Variants in NUDCD1 observed in about 807,000 individuals in gnomAD.
The protein encoded by NUDCD1 is NudC domain containing 1.
NUDCD1 carries 60 observed loss-of-function variants against 67.8 expected under a neutral mutation model. That is an observed-to-expected ratio of 0.88 (90% CI 0.72 to 1.10). The LOEUF (loss-of-function observed/expected upper bound fraction) is 1.10. NUDCD1 is among the 50% of genes least tolerant of loss of function. The probability of loss-of-function intolerance (pLI) is 0.00; values close to 1 mark genes in which losing one functional copy is unlikely to be tolerated. For synonymous variants in NUDCD1, 244 were observed against 230.8 expected, an observed-to-expected ratio of 1.06 and a Z score of -0.52; for missense variants, 643 against 695.0, an observed-to-expected ratio of 0.93 and a Z score of 0.84.
chr8:109,322,694 C>T (rs910257404), intron 1 of NUDCD1, among the ~76,000 whole-genome samples: 1 of 152,064 alleles, frequency 6.6e-6, no homozygotes, highest in African/African-American at 2.4e-5. Flanking sequence ...TAGAATACAG[C>T]GGCCACAGGA....
rs140178661 is a variant in NUDCD1, at chr8:109,263,200, C to A, written c.1299+7805G>T. On this transcript the variant is annotated intron_variant, in intron 8 of 9. Coordinates refer to ENST00000239690, the MANE Select transcript of NUDCD1 (RefSeq NM_032869.4). Reference sequence around the variant, plus strand: ...AATAAAGTCTCTTTCCTCCAAATTCCTTCTCAAAGAACTTTGTTCACACAG... The same window carrying A: ...AATAAAGTCTCTTTCCTCCAAATTCATTCTCAAAGAACTTTGTTCACACAG... Among the ~76,000 whole-genome samples the A allele has an allele frequency of 7.2e-5, 11 of 152,034 alleles. No individual in the cohort carries two copies. The East Asian group carries it at 2.1e-3, about 29-fold the overall frequency.
intron 2 of NUDCD1, among the ~76,000 whole-genome samples, chr8:109,306,516 TAAAAG>T (rs1815108271): frequency 6.6e-6 from 1 of 152,062 alleles, no homozygotes; most frequent in Non-Finnish European, 1.5e-5. Flanking sequence ...TGTATATTTT[TAAAAG>T]AAGAGTGTTG....
In NUDCD1 at chr8:109,242,347, A is replaced by C. The variant is rs1389232273; in HGVS notation, c.*662T>G. ...ACAGCCAACTCACTGAATCGTGAAAAATAATAAAAGTCCTTGTTTTAAACC... is the reference window on the plus strand; with the variant it reads ...ACAGCCAACTCACTGAATCGTGAAACATAATAAAAGTCCTTGTTTTAAACC... On this transcript the variant is annotated 3_prime_UTR_variant, in exon 10 of 10. Transcript: ENST00000239690. 2.6e-6 allele frequency: 1 copy of C among 389,222 alleles called. No individual in the cohort carries two copies. The highest frequency in any genetic ancestry group is 4.5e-6 in the Non-Finnish European group (1 of 220,440). 24.1% of individuals were successfully genotyped at this position (389,222 alleles called of 1,614,324 possible). A position where few individuals can be genotyped will look rare whatever the true frequency, so the allele number is the denominator to read the frequency against.
Position 109,280,996 on chromosome 8 carries a change from T to A in NUDCD1, c.1000A>T (p.Ser334Cys). The change falls in exon 6 of 10, where the codon AGT becomes TGT. Residue 334 changes from serine (S) to cysteine (C), a missense_variant. By Grantham distance (112) the Ser-to-Cys change is moderately radical. Coordinates refer to ENST00000239690, the MANE Select transcript of NUDCD1 (RefSeq NM_032869.4). ...TTACTCTCTTTAATTATCCATGTACTGCTTTCATGATCAATAGATGAATAG... is the reference window on the plus strand; with the variant it reads ...TTACTCTCTTTAATTATCCATGTACAGCTTTCATGATCAATAGATGAATAG... ...KLYSSIDHESSTWIIKESNSL... is the reference protein window; with the variant it reads ...KLYSSIDHESCTWIIKESNSL... The A allele has an allele frequency of 6.3e-7, 1 of 1,599,676 alleles. No homozygotes were observed.
intron 5 of NUDCD1, among the ~76,000 whole-genome samples, chr8:109,289,548 C>T (rs1277407939): frequency 6.6e-6 from 1 of 151,946 alleles, no homozygotes; most frequent in African/African-American, 2.4e-5. Flanking sequence ...TTGGTAATAA[C>T]AAAATGATCA....
intron 3 of NUDCD1, among the ~76,000 whole-genome samples, 162 bp downstream of exon 3, chr8:109,296,220 AAT>A (rs1454683522): frequency 2.0e-5 from 3 of 152,220 alleles, no homozygotes; most frequent in African/African-American, 4.8e-5. Context: ...GTTTGTGAAA[AAT>A]ATATATGTTA....
At chr8:109,258,025 C>T (rs940958229) in intron 8 of NUDCD1, among the ~76,000 whole-genome samples, 3 of 152,010 alleles carry the variant, frequency 2.0e-5, no homozygotes, top group Admixed American at 6.6e-5. Flanking sequence ...TCCAATTGAT[C>T]ACTTTCTTTT....
intron 8 of NUDCD1, among the ~76,000 whole-genome samples, chr8:109,270,329 TAAA>T (rs74847351): frequency 7.2e-6 from 1 of 138,560 alleles, no homozygotes; most frequent in African/African-American, 2.6e-5. Context: ...AACTTGACAG[TAAA>T]AAAAAAAAAG....
chr8:109,320,926 C>T (rs1815519060), intron 2 of NUDCD1, among the ~76,000 whole-genome samples: 1 of 152,088 alleles, frequency 6.6e-6, no homozygotes, highest in Non-Finnish European at 1.5e-5. Flanking sequence ...TGGAAAGACA[C>T]ACAAAACCAA....
At chr8:109,278,661 T>C (rs1443064275) in intron 6 of NUDCD1, among the ~76,000 whole-genome samples, 1 of 152,234 alleles carries the variant, frequency 6.6e-6, no homozygotes, top group Non-Finnish European at 1.5e-5. Flanking sequence ...ACAGTATGAT[T>C]TTTTGTCTTT....
chr8:109,294,958 T>C (rs1034268883), intron 3 of NUDCD1, among the ~76,000 whole-genome samples: 10 of 152,024 alleles, frequency 6.6e-5, no homozygotes, highest in African/African-American at 2.4e-4. Context: ...CCCACCTCAA[T>C]TAATCCCCAA....
chr8:109,259,146 A>T (rs1813807999), intron 8 of NUDCD1, among the ~76,000 whole-genome samples: 1 of 152,232 alleles, frequency 6.6e-6, no homozygotes, highest in Non-Finnish European at 1.5e-5. Flanking sequence ...AAATAACGCA[A>T]ATAACCTAGG....
At chr8:109,279,798 A>AT (rs1450558491) in intron 6 of NUDCD1, among the ~76,000 whole-genome samples, 1 of 151,668 alleles carries the variant, frequency 6.6e-6, no homozygotes, top group Non-Finnish European at 1.5e-5. Flanking sequence ...CGCCCAGCTA[A>AT]TTTTTGTGTT....
intron 8 of NUDCD1, among the ~76,000 whole-genome samples, chr8:109,249,594 C>T (rs1251079064): frequency 1.3e-5 from 2 of 152,140 alleles, no homozygotes; most frequent in East Asian, 3.8e-4. Context: ...CAAATGTATG[C>T]TTATTGCTTT....
chr8:109,333,890 C>T lies in NUDCD1; in HGVS notation c.118+3G>A, dbSNP rs1815881185. The T allele has an allele frequency of 6.2e-7, 1 of 1,614,038 alleles. No individual in the cohort carries two copies. Among genetic ancestry groups the T allele is most frequent in the Non-Finnish European group, 8.5e-7 (1 of 1,179,930 alleles). On this transcript the variant is annotated splice_donor_region_variant and intron_variant, in intron 1 of 9. Transcript: ENST00000239690. ...GAGTACGAAGGGCGCCGCCGCTTCCCACCTGCGTCAAGCTCCAGCTGGTAA... is the reference window on the plus strand; with the variant it reads ...GAGTACGAAGGGCGCCGCCGCTTCCTACCTGCGTCAAGCTCCAGCTGGTAA...
At position 109,270,066 on chromosome 8, in the gene NUDCD1, G is replaced by GT. The variant is rs1491377169; in HGVS notation, c.1299+938_1299+939insA. ...AGAGTGTAATTTTGAGGTGGCGGGG[G>GT]CGGGGGGGGGGGGGGGTGCCTTAAG... On this transcript the variant is annotated intron_variant, in intron 8 of 9. Coordinates refer to ENST00000239690, the MANE Select transcript of NUDCD1 (RefSeq NM_032869.4). Among the ~76,000 whole-genome samples the GT allele has an allele frequency of 4.3e-5, 3 of 69,012 alleles. 1 individual carries two copies. The highest frequency in any genetic ancestry group is 1.7e-4 in the African/African-American group (3 of 17,890). The allele number at this position is 69,012 out of a possible 152,430, so 45.3% of individuals were successfully genotyped here.
chr8:109,274,944 T>C (rs192428844), intron 7 of NUDCD1, among the ~76,000 whole-genome samples: 3 of 152,272 alleles, frequency 2.0e-5, no homozygotes, highest in East Asian at 1.9e-4. Flanking sequence ...CTATACTATA[T>C]ATGATACATA....
At position 109,242,423 on chromosome 8, in the gene NUDCD1, ATC is replaced by A. The variant is rs1482602707; in HGVS notation, c.*584_*585del. Reference sequence around the variant, plus strand: ...GCAGTGATGGATAATGTGAAATCTTATCTCTCTTTGTCTATGTCTGTGGCAGA... The same window carrying A: ...GCAGTGATGGATAATGTGAAATCTTATCTCTTTGTCTATGTCTGTGGCAGA... On this transcript the variant is annotated 3_prime_UTR_variant, in exon 10 of 10. Coordinates refer to ENST00000239690, the MANE Select transcript of NUDCD1 (RefSeq NM_032869.4). 2.9e-5 allele frequency: 9 copies of A among 310,546 alleles called. No individual in the cohort carries two copies. The highest frequency in any genetic ancestry group is 4.3e-5 in the African/African-American group (2 of 46,690). 19.2% of individuals were successfully genotyped at this position (310,546 alleles called of 1,614,324 possible). A position where few individuals can be genotyped will look rare whatever the true frequency, so the allele number is the denominator to read the frequency against.
At chr8:109,320,149 A>G (rs914476301) in intron 2 of NUDCD1, among the ~76,000 whole-genome samples, 3 of 152,214 alleles carry the variant, frequency 2.0e-5, no homozygotes, top group African/African-American at 7.2e-5. Context: ...CACCATTGTC[A>G]TTGATAACAT....
Sources: gnomAD v4.1 joint callset for allele counts (sites outside exome capture counted in the v4.1 genomes callset) on GRCh38, gnomAD v4.1.1 for gene constraint, MANE v1.5 for transcripts, NCBI Gene and HGNC (gene_info 2026-07-23, HGNC 2026-07-21) for gene names.